LDAH: variants seen among roughly 807,000 people sequenced by gnomAD.
LDAH encodes lipid droplet-associated hydrolase.
A neutral mutation model predicts 29.6 loss-of-function variants in LDAH; 26 were observed. The ratio of observed to expected loss-of-function variants is 0.88; its 90% CI spans 0.64 to 1.22. LDAH has a LOEUF of 1.22. Among genes scored for constraint, LDAH ranks in the 50% most tolerant of loss-of-function variants. The pLI, the probability that LDAH is intolerant of heterozygous loss-of-function variation, is 0.00. For missense variants in LDAH, 344 were observed against 387.3 expected, an observed-to-expected ratio of 0.89 and a Z score of 0.94; for synonymous variants, 117 against 133.0, an observed-to-expected ratio of 0.88 and a Z score of 0.83.
intron 5 of LDAH, among the ~76,000 whole-genome samples, chr2:20,732,548 A>G (rs1434711826): frequency 6.6e-6 from 1 of 152,226 alleles, no homozygotes; most frequent in East Asian, 1.9e-4. Flanking sequence ...AAAATTACAA[A>G]TTGAGTTTCC....
intron 5 of LDAH, among the ~76,000 whole-genome samples, chr2:20,714,168 CACA>C (rs1298445828): frequency 1.3e-5 from 2 of 152,090 alleles, no homozygotes; most frequent in African/African-American, 4.8e-5. Flanking sequence ...GAATGGAAAT[CACA>C]ACAAACTGTC....
intron 4 of LDAH, among the ~76,000 whole-genome samples, chr2:20,766,594 T>C (rs1003619734): frequency 2.0e-5 from 3 of 152,256 alleles, no homozygotes; most frequent in African/African-American, 4.8e-5. Flanking sequence ...TGTGTTATTA[T>C]AGCACAGTCT....
chr2:20,683,801 C>T (rs12622106), downstream of LDAH, among the ~76,000 whole-genome samples: 31,527 of 151,936 alleles, frequency 0.21, 4,202 homozygotes, highest in East Asian at 0.46. Context: ...ATAGAGAATC[C>T]ACCATATGCC....
intron 4 of LDAH, among the ~76,000 whole-genome samples, chr2:20,761,332 T>C (rs1245174415): frequency 6.6e-6 from 1 of 152,132 alleles, no homozygotes; most frequent in Non-Finnish European, 1.5e-5. Flanking sequence ...TAAGACCCTA[T>C]GCTAGAACTT....
intron 6 of LDAH, among the ~76,000 whole-genome samples, chr2:20,697,598 C>T (rs1250382169): frequency 1.3e-5 from 2 of 152,168 alleles, no homozygotes; most frequent in Admixed American, 1.3e-4. Context: ...CATGCTTAGA[C>T]CCTTCAATAG....
At chr2:20,777,221 T>C (rs1245127466) in intron 3 of LDAH, among the ~76,000 whole-genome samples, 1 of 152,126 alleles carries the variant, frequency 6.6e-6, no homozygotes, top group Non-Finnish European at 1.5e-5. Context: ...TCCTAAAACA[T>C]TGTATTTCAG....
chr2:20,729,913 A>G (rs1666280796), intron 5 of LDAH, among the ~76,000 whole-genome samples: 1 of 152,194 alleles, frequency 6.6e-6, no homozygotes, highest in Admixed American at 6.6e-5. Flanking sequence ...CTCCTGCCTC[A>G]ACCTCCCAAG....
At chr2:20,740,563 C>T (rs1026839573) in intron 4 of LDAH, among the ~76,000 whole-genome samples, 7 of 152,152 alleles carry the variant, frequency 4.6e-5, no homozygotes, top group African/African-American at 1.7e-4. Flanking sequence ...CCTGCCTTGG[C>T]CTCCCAAAGT....
intron 5 of LDAH, among the ~76,000 whole-genome samples, chr2:20,714,317 T>A (rs1393436102): frequency 1.3e-5 from 2 of 152,184 alleles, no homozygotes. Flanking sequence ...GAAATAAAGA[T>A]GTTCTTTGAA....
At chr2:20,707,213 C>G (rs894488309) in intron 5 of LDAH, among the ~76,000 whole-genome samples, 4 of 152,184 alleles carry the variant, frequency 2.6e-5, no homozygotes, top group African/African-American at 9.6e-5. Context: ...TAGCTCAAAG[C>G]CCACCAAAAT....
chr2:20,744,372 C>T (rs1667428444), intron 4 of LDAH, among the ~76,000 whole-genome samples: 1 of 151,972 alleles, frequency 6.6e-6, no homozygotes, highest in African/African-American at 2.4e-5. Context: ...GACATTCTAT[C>T]ATCCTATGAT....
At chr2:20,779,988 T>A (rs1558471331) in intron 3 of LDAH, among the ~76,000 whole-genome samples, 1 of 152,142 alleles carries the variant, frequency 6.6e-6, no homozygotes, top group Non-Finnish European at 1.5e-5. Context: ...CTTACCTACT[T>A]CATCGATCCA....
intron 5 of LDAH, among the ~76,000 whole-genome samples, chr2:20,736,430 A>C (rs1312397469): frequency 6.6e-6 from 1 of 152,110 alleles, no homozygotes; most frequent in Non-Finnish European, 1.5e-5. Flanking sequence ...TGGCAGAGTG[A>C]GACTCTGTCT....
intron 3 of LDAH, chr2:20,789,015 C>G (rs1670750908): frequency 1.9e-6 from 2 of 1,035,968 alleles, no homozygotes; most frequent in Non-Finnish European, 2.8e-6. Flanking sequence ...CTCAAAGTCC[C>G]TCTCAAACTG....
At chr2:20,690,408 T>C (rs953761790) in intron 6 of LDAH, among the ~76,000 whole-genome samples, 5 of 152,240 alleles carry the variant, frequency 3.3e-5, no homozygotes, top group Non-Finnish European at 7.3e-5. Context: ...GGGCCCCATT[T>C]GGTTAAACGC....
At chr2:20,809,435 T>C (rs144026026) in intron 1 of LDAH, among the ~76,000 whole-genome samples, 6 of 152,022 alleles carry the variant, frequency 3.9e-5, no homozygotes, top group African/African-American at 1.4e-4. Flanking sequence ...CCATCCTCCA[T>C]TAGAATTAAG....
Position 20,788,979 on chromosome 2 carries a change from A to G in LDAH, c.298+1276T>C, listed in dbSNP as rs183136670. On this transcript the variant is annotated intron_variant, in intron 3 of 6. Coordinates refer to ENST00000237822, the MANE Select transcript of LDAH (RefSeq NM_021925.4). ...TTCTTCCATTTAGAAACCTTCCAGC[A>G]TGGAGTCCTGGCTCTCTCTCCAGCT... 2.7e-4 allele frequency: 191 copies of G among 697,290 alleles called. No individual in the cohort carries two copies. The African/African-American group carries it at 3.2e-3, about 12-fold the overall frequency. 43.2% of individuals were successfully genotyped at this position (697,290 alleles called of 1,614,324 possible).
rs370984632 is a variant in LDAH, at chr2:20,714,351, G to A, written c.704-12699C>T. ...AAACCAATGAGAACAAAGACACAAC[G>A]TACCAGGATCTCTGGGACACATTTA... On this transcript the variant is annotated intron_variant, in intron 5 of 6. Transcript: ENST00000237822. Among the ~76,000 whole-genome samples, 240 of 152,218 alleles carry A rather than the reference G, an allele frequency of 1.6e-3. 4 individuals are homozygous for A. In the South Asian group the frequency reaches 0.044, roughly 28 times the overall value.
chr2:20,799,093 G>A (rs1420497294), intron 2 of LDAH, among the ~76,000 whole-genome samples: 2 of 151,910 alleles, frequency 1.3e-5, no homozygotes, highest in Non-Finnish European at 2.9e-5. Context: ...CAGGCATGGT[G>A]GCAGACACCT....
Sources: gnomAD v4.1 joint callset for allele counts (sites outside exome capture counted in the v4.1 genomes callset) on GRCh38, gnomAD v4.1.1 for gene constraint, MANE v1.5 for transcripts, NCBI Gene and HGNC (gene_info 2026-07-23, HGNC 2026-07-21) for gene names.